Variants in ZBTB16 observed in about 807,000 individuals in gnomAD.
ZBTB16 encodes the protein zinc finger and BTB domain-containing protein 16.
A neutral mutation model predicts 56.8 loss-of-function variants in ZBTB16; 8 were observed. That is an observed-to-expected ratio of 0.14 (90% CI 0.08 to 0.25). The LOEUF (loss-of-function observed/expected upper bound fraction) is 0.25, where lower values mean the gene tolerates loss of function less well. Ranked by LOEUF, ZBTB16 falls within the 10% of genes least tolerant of loss-of-function variation. ZBTB16 has a pLI of 1.00. For synonymous variants in ZBTB16, 363 were observed against 368.5 expected, an observed-to-expected ratio of 0.98 and a Z score of 0.17; for missense variants, 625 against 903.0, an observed-to-expected ratio of 0.69 and a Z score of 3.95.
intron 2 of ZBTB16, among the ~76,000 whole-genome samples, chr11:114,108,412 A>G (rs570204284): frequency 6.6e-6 from 1 of 152,316 alleles, no homozygotes; most frequent in Admixed American, 6.5e-5. Flanking sequence ...CAGTAGTCAC[A>G]GTATCTAATT....
At chr11:114,185,675 G>A (rs1943345114) in intron 3 of ZBTB16, among the ~76,000 whole-genome samples, 1 of 152,152 alleles carries the variant, frequency 6.6e-6, no homozygotes, top group Non-Finnish European at 1.5e-5. Context: ...GGGCCTGAAT[G>A]GGGTGGTGAT....
At chr11:114,219,355 C>A (rs888366854) in intron 4 of ZBTB16, among the ~76,000 whole-genome samples, 9 of 152,152 alleles carry the variant, frequency 5.9e-5, no homozygotes, top group African/African-American at 2.2e-4. Flanking sequence ...CCTGTAGCAT[C>A]CAAGTTAAAA....
chr11:114,125,165 G>T (rs1941471778), intron 2 of ZBTB16, among the ~76,000 whole-genome samples: 1 of 152,134 alleles, frequency 6.6e-6, no homozygotes, highest in African/African-American at 2.4e-5. Flanking sequence ...GCAGTACAAA[G>T]ATATCTATAA....
At chr11:114,125,646 G>C (rs1185712194) in intron 2 of ZBTB16, among the ~76,000 whole-genome samples, 1 of 152,056 alleles carries the variant, frequency 6.6e-6, no homozygotes, top group Non-Finnish European at 1.5e-5. Context: ...GAGGTGAAAG[G>C]TGTCCTCCAA....
intron 2 of ZBTB16, 106 bp from the exon 3 acceptor site, chr11:114,156,231 G>T: frequency 1.8e-6 from 2 of 1,104,106 alleles, no homozygotes; most frequent in Non-Finnish European, 1.4e-6. Context: ...GTTCCCTTCC[G>T]CCTGTCACCT....
chr11:114,209,771 A>C, intron 4 of ZBTB16: 1 of 985,454 alleles, frequency 1.0e-6, no homozygotes, highest in Non-Finnish European at 1.2e-6. Context: ...GGAGTACACC[A>C]CAGCCCAGGG....
intron 2 of ZBTB16, among the ~76,000 whole-genome samples, chr11:114,089,340 A>T (rs915348898): frequency 1.3e-5 from 2 of 152,220 alleles, no homozygotes; most frequent in African/African-American, 4.8e-5. Flanking sequence ...TGTACATCAT[A>T]GCCTTCAGTA....
intron 5 of ZBTB16, among the ~76,000 whole-genome samples, chr11:114,244,524 A>G (rs1268492698): frequency 1.3e-5 from 2 of 152,198 alleles, no homozygotes; most frequent in African/African-American, 2.4e-5. Flanking sequence ...TGTGTACATT[A>G]TGGCCACACT....
At chr11:114,139,850 C>T (rs1000184643) in intron 2 of ZBTB16, among the ~76,000 whole-genome samples, 5 of 151,998 alleles carry the variant, frequency 3.3e-5, no homozygotes, top group Admixed American at 2.0e-4. Flanking sequence ...TGGAGGAGGC[C>T]GGGGGAGCAA....
intron 3 of ZBTB16, among the ~76,000 whole-genome samples, chr11:114,169,787 G>A (rs1942904013): frequency 6.6e-6 from 1 of 152,238 alleles, no homozygotes; most frequent in Non-Finnish European, 1.5e-5. Context: ...AGAACCAGGG[G>A]AATGAGGAGA....
At chr11:114,201,769 A>G (rs17116644) in intron 4 of ZBTB16, among the ~76,000 whole-genome samples, 34,824 of 152,122 alleles carry the variant, frequency 0.23, 4,167 homozygotes, top group Middle Eastern at 0.32. Flanking sequence ...CCTGTTAACA[A>G]TGATTATCTT....
intron 2 of ZBTB16, among the ~76,000 whole-genome samples, chr11:114,104,926 G>A (rs1940735319): frequency 1.3e-5 from 2 of 152,150 alleles, no homozygotes; most frequent in Admixed American, 1.3e-4. Flanking sequence ...ATCAGAAGGG[G>A]AGTGTGTCAT....
chr11:114,150,204 C>T (rs1232536053), intron 2 of ZBTB16, among the ~76,000 whole-genome samples: 1 of 152,164 alleles, frequency 6.6e-6, no homozygotes, highest in Admixed American at 6.5e-5. Flanking sequence ...CATGATGTCA[C>T]CCTTAGAAGG....
At chr11:114,081,323 C>T (rs1440973122) in intron 2 of ZBTB16, among the ~76,000 whole-genome samples, 1 of 152,148 alleles carries the variant, frequency 6.6e-6, no homozygotes, top group Non-Finnish European at 1.5e-5. Flanking sequence ...AGACAATGCC[C>T]TATGTTGGGG....
intron 2 of ZBTB16, among the ~76,000 whole-genome samples, chr11:114,135,384 A>C (rs1392480417): frequency 6.6e-6 from 1 of 152,224 alleles, no homozygotes; most frequent in Admixed American, 6.5e-5. Context: ...GAATGACTTA[A>C]GGCTATTTAC....
At chr11:114,083,009 C>A (rs1939824916) in intron 2 of ZBTB16, among the ~76,000 whole-genome samples, 1 of 152,226 alleles carries the variant, frequency 6.6e-6, no homozygotes, top group Admixed American at 6.5e-5. Context: ...TAACGAGGGG[C>A]ATGGGCTGTT....
intron 2 of ZBTB16, among the ~76,000 whole-genome samples, chr11:114,138,688 A>G (rs1941862999): frequency 6.7e-6 from 1 of 149,036 alleles, no homozygotes; most frequent in East Asian, 2.0e-4. Context: ...TTTTTTTTAA[A>G]TTATTTTTTA....
At position 114,108,147 on chromosome 11, in the gene ZBTB16, C is replaced by T. The variant is rs544671089; in HGVS notation, c.1268+43579C>T. The stretch of plus-strand genomic sequence containing the variant: ...TTCATTCATTGAGCTATTTAAACTT[C>T]TGTGTGTAAGACGGCAGCCCCAGAT... On this transcript the variant is annotated intron_variant, in intron 2 of 6. Coordinates refer to ENST00000335953, the MANE Select transcript of ZBTB16 (RefSeq NM_006006.6). Among the ~76,000 whole-genome samples, 5 of 152,176 alleles carry T rather than the reference C, an allele frequency of 3.3e-5. No individual in the cohort carries two copies. In the East Asian group the frequency reaches 5.8e-4, roughly 18 times the overall value.
At chr11:114,102,666 G>A (rs953189565) in intron 2 of ZBTB16, among the ~76,000 whole-genome samples, 10 of 151,396 alleles carry the variant, frequency 6.6e-5, no homozygotes, top group Non-Finnish European at 1.5e-4. Flanking sequence ...GCTTTTTGCT[G>A]ATAGCCCAGG....
Sources: allele counts gnomAD v4.1 joint callset (sites outside exome capture counted in the v4.1 genomes callset), GRCh38; gene constraint gnomAD v4.1.1; transcripts MANE v1.5; gene names NCBI Gene and HGNC (gene_info 2026-07-23, HGNC 2026-07-21).